The following TBC1D22A variants were observed in gnomAD, a reference collection of about 807,000 sequenced individuals.
The protein encoded by TBC1D22A is putative GTPase activator.
TBC1D22A carries 38 observed loss-of-function variants against 60.2 expected under a neutral mutation model. The observed-to-expected ratio is 0.63, with a 90% CI of 0.49 to 0.83. The LOEUF (loss-of-function observed/expected upper bound fraction) is 0.83, where lower values mean the gene tolerates loss of function less well. TBC1D22A is among the 40% of genes least tolerant of loss of function. TBC1D22A has a pLI of 0.00. For missense variants in TBC1D22A, 628 were observed against 701.0 expected (o/e 0.90, Z 1.18); for synonymous variants, 302 against 281.7 (o/e 1.07, Z -0.72).
chr22:46,898,512 T>C (rs1292571671), intron 7 of TBC1D22A, among the ~76,000 whole-genome samples: 1 of 135,866 alleles, frequency 7.4e-6, no homozygotes, highest in Non-Finnish European at 1.6e-5. Context: ...TTCATGCCTT[T>C]GTCTGGCTCA....
intron 5 of TBC1D22A, among the ~76,000 whole-genome samples, chr22:46,882,598 G>A (rs963136644): frequency 6.6e-6 from 1 of 152,208 alleles, no homozygotes; most frequent in Admixed American, 6.5e-5. Context: ...CTGCGTTGGA[G>A]GAGAGAGGCT....
chr22:47,079,026 A>G (rs948151548), intron 11 of TBC1D22A, among the ~76,000 whole-genome samples: 5 of 150,504 alleles, frequency 3.3e-5, no homozygotes, highest in South Asian at 2.1e-4. Context: ...AGAGAGCGCT[A>G]CTTTACGTGG....
chr22:47,119,457 G>A (rs1224882538), intron 12 of TBC1D22A, among the ~76,000 whole-genome samples: 1 of 151,488 alleles, frequency 6.6e-6, no homozygotes, highest in African/African-American at 2.4e-5. Flanking sequence ...GAGTGTCTTA[G>A]TCCATTCCTG....
At chr22:47,041,424 C>T (rs950977360) in intron 11 of TBC1D22A, among the ~76,000 whole-genome samples, 1 of 152,210 alleles carries the variant, frequency 6.6e-6, no homozygotes, top group African/African-American at 2.4e-5. Flanking sequence ...GCTGAGGGCG[C>T]GTCCTCCCAC....
At chr22:46,912,860 C>G (rs755268911) in intron 8 of TBC1D22A, among the ~76,000 whole-genome samples, 3 of 152,054 alleles carry the variant, frequency 2.0e-5, no homozygotes, top group Non-Finnish European at 4.4e-5. Flanking sequence ...CAGTCAGTGG[C>G]TTGAATTTAA....
At chr22:46,927,312 C>G (rs778167050) in intron 8 of TBC1D22A, among the ~76,000 whole-genome samples, 1 of 152,202 alleles carries the variant, frequency 6.6e-6, no homozygotes, top group Non-Finnish European at 1.5e-5. Flanking sequence ...GAAAGTCAAT[C>G]CGTGTAATAC....
intron 9 of TBC1D22A, among the ~76,000 whole-genome samples, chr22:46,991,874 G>A (rs1416129154): frequency 2.0e-5 from 3 of 152,110 alleles, no homozygotes; most frequent in Non-Finnish European, 2.9e-5. Context: ...ATGCTCCCTC[G>A]GGCCGCCGGG....
chr22:47,112,409 C>G (rs2065883683), intron 12 of TBC1D22A, among the ~76,000 whole-genome samples: 2 of 152,224 alleles, frequency 1.3e-5, no homozygotes, highest in African/African-American at 4.8e-5. Context: ...GCTCTCCCTT[C>G]TCGAGGCTCT....
chr22:47,163,151 G>GC lies in TBC1D22A; in HGVS notation c.1426-10340dup, dbSNP rs955785892. On this transcript the variant is annotated intron_variant, in intron 12 of 12. Transcript: ENST00000337137. ...TGTGGTTCCTTTTCCAACAAGCACT[G>GC]CCCCCCCGCCCGGCCCCTGGCTGCC... 9.9e-5 allele frequency among the ~76,000 whole-genome samples: 15 copies of GC among 152,154 alleles called. No individual in the cohort carries two copies. The South Asian group carries it at 1.9e-3, about 19-fold the overall frequency.
chr22:47,008,574 T>C (rs981320343), intron 10 of TBC1D22A, among the ~76,000 whole-genome samples: 1 of 152,228 alleles, frequency 6.6e-6, no homozygotes, highest in Non-Finnish European at 1.5e-5. Context: ...GCCCACCTGC[T>C]GTGCAGAGCA....
chr22:46,961,813 T>C (rs1293127224), intron 8 of TBC1D22A, among the ~76,000 whole-genome samples: 1 of 152,166 alleles, frequency 6.6e-6, no homozygotes, highest in Non-Finnish European at 1.5e-5. Flanking sequence ...TGCGGCACAA[T>C]TGATGGCGTC....
At chr22:46,863,906 AGCCTTCTCTGCGAG>A (rs1225831352) in intron 4 of TBC1D22A, among the ~76,000 whole-genome samples, 2 of 152,084 alleles carry the variant, frequency 1.3e-5, no homozygotes, top group African/African-American at 4.8e-5. Context: ...AGGGACATAG[AGCCTTCTCTGCGAG>A]GCCTTCTCTA....
intron 6 of TBC1D22A, 89 bp downstream of exon 6, chr22:46,891,483 G>C: frequency 7.0e-7 from 1 of 1,421,438 alleles, no homozygotes; most frequent in South Asian, 1.6e-5. Context: ...AAAACCATGT[G>C]GAGTTGGTCA....
chr22:47,054,841 G>A (rs537135608), intron 11 of TBC1D22A, among the ~76,000 whole-genome samples: 10 of 152,280 alleles, frequency 6.6e-5, no homozygotes, highest in Admixed American at 6.5e-4. Context: ...CCTACTTCCC[G>A]TTGTTAACTT....
At chr22:46,925,654 A>G (rs923305007) in intron 8 of TBC1D22A, among the ~76,000 whole-genome samples, 13 of 152,324 alleles carry the variant, frequency 8.5e-5, no homozygotes, top group Middle Eastern at 3.4e-3. Context: ...GCACATTTCA[A>G]TATTGCTTTT....
At chr22:47,097,481 G>T (rs971993389) in intron 11 of TBC1D22A, among the ~76,000 whole-genome samples, 13 of 152,084 alleles carry the variant, frequency 8.5e-5, no homozygotes, top group African/African-American at 3.1e-4. Context: ...GGGCGTGGTG[G>T]TGGGCACCTG....
At chr22:46,989,065 T>G (rs561316818) in intron 9 of TBC1D22A, among the ~76,000 whole-genome samples, 1 of 152,348 alleles carries the variant, frequency 6.6e-6, no homozygotes. Flanking sequence ...ACGGCTTCTT[T>G]CCTTAAACCT....
At chr22:47,090,523 C>T (rs1569435891) in intron 11 of TBC1D22A, among the ~76,000 whole-genome samples, 1 of 152,222 alleles carries the variant, frequency 6.6e-6, no homozygotes, top group South Asian at 2.1e-4. Flanking sequence ...AAAATGAGCA[C>T]CTGTGTCCCC....
At chr22:46,907,884 G>A (rs375886873) in intron 7 of TBC1D22A, among the ~76,000 whole-genome samples, 21 of 152,340 alleles carry the variant, frequency 1.4e-4, no homozygotes, top group African/African-American at 4.8e-4. Flanking sequence ...GTGGAACATC[G>A]TGGGAGCCGT....
Sources: allele counts gnomAD v4.1 joint callset (sites outside exome capture counted in the v4.1 genomes callset), GRCh38; gene constraint gnomAD v4.1.1; transcripts MANE v1.5; gene names NCBI Gene and HGNC (gene_info 2026-07-23, HGNC 2026-07-21).